Variants in SUV39H1 observed in about 807,000 individuals in gnomAD.
The protein encoded by SUV39H1 is histone-lysine N-methyltransferase SUV39H1.
For missense variants in SUV39H1, 180 were observed against 386.3 expected (o/e 0.47, Z 4.48); for synonymous variants, 141 against 150.5 (o/e 0.94, Z 0.46).
At chrX:48,705,140 T>C (rs1238210349) in intron 3 of SUV39H1, 1 of 111,557 alleles carries the variant, frequency 9.0e-6, no homozygotes, top group East Asian at 2.8e-4. Flanking sequence ...CAGAAGGGCA[T>C]GGTCACCGGC....
chrX:48,708,155 T>A lies in SUV39H1; in HGVS notation c.*585T>A. ...GCTGGGTAGTGTTGGCCCTAAGAGC[T>A]GTAGGGTCTCTTCTTCAGGGCTGCA... On this transcript the variant is annotated 3_prime_UTR_variant, in exon 6 of 6. Coordinates refer to ENST00000376687, the MANE Select transcript of SUV39H1 (RefSeq NM_003173.4). 1 of 153,277 alleles carries A rather than the reference T, an allele frequency of 6.5e-6. No individual in the cohort carries two copies. 12.6% of individuals were successfully genotyped at this position (153,277 alleles called of 1,213,427 possible).
chrX:48,696,720 A>C, upstream of SUV39H1: 1 of 1,119,462 alleles, frequency 8.9e-7, no homozygotes, highest in Non-Finnish European at 1.2e-6. Context: ...GTTCCCGGCC[A>C]CGCCCGCGCG....
intron 3 of SUV39H1, among the ~76,000 whole-genome samples, chrX:48,705,939 G>A (rs2062489432): frequency 8.9e-6 from 1 of 112,927 alleles, no homozygotes; most frequent in South Asian, 3.6e-4. Context: ...CCGTCCCAAG[G>A]CACTGGAGGC....
chrX:48,706,984 T>C (rs782670574), intron 5 of SUV39H1, among the ~76,000 whole-genome samples: 1 of 110,228 alleles, frequency 9.1e-6, no homozygotes, highest in Admixed American at 9.6e-5. Context: ...CTGGACACCC[T>C]TGTGGCCTCC....
At chrX:48,696,368 G>A (rs1043185691), upstream of SUV39H1, among the ~76,000 whole-genome samples, 1 of 112,188 alleles carries the variant, frequency 8.9e-6, no homozygotes, top group Non-Finnish European at 1.9e-5. Context: ...TACGGCACTA[G>A]TCCACCTGGG....
At chrX:48,701,587 T>A (rs2062475359) in intron 3 of SUV39H1, among the ~76,000 whole-genome samples, 2 of 111,304 alleles carry the variant, frequency 1.8e-5, no homozygotes, top group Non-Finnish European at 3.8e-5. Flanking sequence ...TGGAACTGAG[T>A]CACTGGCCTT....
chrX:48,698,880 C>A, intron 1 of SUV39H1, 22 bp from the exon 2 acceptor site: 1 of 1,202,817 alleles, frequency 8.3e-7, no homozygotes, highest in South Asian at 1.8e-5. Flanking sequence ...AGTAATAGTT[C>A]TTTCTGCCCC....
At chrX:48,703,711 A>G (rs1046761236) in intron 3 of SUV39H1, among the ~76,000 whole-genome samples, 1 of 111,839 alleles carries the variant, frequency 8.9e-6, no homozygotes, top group Non-Finnish European at 1.9e-5. Context: ...CCTTACATTT[A>G]TAACTGGTCC....
chrX:48,703,973 CTTTT>C (rs34687892), intron 3 of SUV39H1, among the ~76,000 whole-genome samples: 1 of 95,232 alleles, frequency 1.1e-5, no homozygotes, highest in Non-Finnish European at 2.1e-5. Context: ...CAGGCTGTAG[CTTTT>C]TTTTTTTTTT....
At chrX:48,707,109 GC>G (rs782608849) in intron 5 of SUV39H1, among the ~76,000 whole-genome samples, 3 of 103,828 alleles carry the variant, frequency 2.9e-5, no homozygotes, top group East Asian at 3.0e-4. Flanking sequence ...TCCTGCCCCT[GC>G]CCCCCCCCAC....
intron 1 of SUV39H1, 114 bp from the exon 2 acceptor site, chrX:48,698,788 T>G (rs2147272562): frequency 1.1e-6 from 1 of 938,444 alleles, no homozygotes; most frequent in Admixed American, 3.7e-5. Flanking sequence ...TGGATTAAAT[T>G]TCCCTGACTC....
intron 5 of SUV39H1, 98 bp downstream of exon 5, chrX:48,706,725 A>G: frequency 9.9e-7 from 1 of 1,014,941 alleles, no homozygotes; most frequent in Non-Finnish European, 1.3e-6. Flanking sequence ...ACCAAGGAAA[A>G]TTCTTTAGCG....
chrX:48,705,090 C>T (rs898630234), intron 3 of SUV39H1, among the ~76,000 whole-genome samples: 5 of 111,965 alleles, frequency 4.5e-5, no homozygotes, highest in Middle Eastern at 4.2e-3. Flanking sequence ...AGGGAGAACA[C>T]CAGTGTGGCC....
At chrX:48,696,647 C>A, upstream of SUV39H1, 1 of 881,323 alleles carries the variant, frequency 1.1e-6, no homozygotes, top group South Asian at 2.7e-5. Context: ...GGGGTTCGGT[C>A]ACGGCTCTCC....
At chrX:48,705,594 G>A (rs1170532339) in intron 3 of SUV39H1, among the ~76,000 whole-genome samples, 1 of 112,598 alleles carries the variant, frequency 8.9e-6, no homozygotes, top group Non-Finnish European at 1.9e-5. Context: ...TTGGCACTGC[G>A]CAGCCCTGGG....
At chrX:48,702,543 T>C (rs2062478374) in intron 3 of SUV39H1, among the ~76,000 whole-genome samples, 1 of 110,446 alleles carries the variant, frequency 9.1e-6, no homozygotes, top group Non-Finnish European at 1.9e-5. Flanking sequence ...CCAGACCCCA[T>C]AGGACCCAGA....
chrX:48,698,512 C>T (rs1470655570), intron 1 of SUV39H1, among the ~76,000 whole-genome samples: 10 of 111,587 alleles, frequency 9.0e-5, no homozygotes, highest in Non-Finnish European at 1.9e-4. Context: ...CACCTCGGGG[C>T]ACTGCATCCT....
chrX:48,704,091 C>T, intron 3 of SUV39H1, among the ~76,000 whole-genome samples: 1 of 109,873 alleles, frequency 9.1e-6, no homozygotes, highest in South Asian at 4.0e-4. Flanking sequence ...TTCACGTCAG[C>T]ACCCTCTCGG....
At chrX:48,697,881 T>C (rs782305890) in intron 1 of SUV39H1, among the ~76,000 whole-genome samples, 1 of 112,145 alleles carries the variant, frequency 8.9e-6, no homozygotes, top group Non-Finnish European at 1.9e-5. Context: ...CTTACAAAAT[T>C]TTGGCAGTCC....
Sources: gnomAD v4.1 joint callset for allele counts (sites outside exome capture counted in the v4.1 genomes callset) on GRCh38, gnomAD v4.1.1 for gene constraint, MANE v1.5 for transcripts, NCBI Gene and HGNC (gene_info 2026-07-23, HGNC 2026-07-21) for gene names.